The following ANKRD6 variants were observed in gnomAD, a reference collection of about 807,000 sequenced individuals.
ANKRD6 encodes ankyrin repeat domain 6.
Under a neutral mutation model 82.3 loss-of-function variants are expected in ANKRD6, and 56 were observed. The ratio of observed to expected loss-of-function variants is 0.68; its 90% CI spans 0.55 to 0.85. ANKRD6 has a LOEUF of 0.85. ANKRD6 is among the 40% of genes least tolerant of loss of function. The pLI is 0.00. For missense variants in ANKRD6, 852 were observed against 907.6 expected, an observed-to-expected ratio of 0.94 and a Z score of 0.79; for synonymous variants, 347 against 352.1, an observed-to-expected ratio of 0.99 and a Z score of 0.16.
At position 89,629,138 on chromosome 6, in the gene ANKRD6, C is replaced by A. The variant is rs768177067; in HGVS notation, c.1512C>A (p.Thr504=). Reference sequence around the variant, plus strand: ...TATCCTTGGTGGATGAATTAAAAACCTGGTGCATGTTAAAGATTCAGAATC... The same window carrying A: ...TATCCTTGGTGGATGAATTAAAAACATGGTGCATGTTAAAGATTCAGAATC... ...RQISLVDELK[T]WCMLKIQNLE... Residue 504 remains threonine (T), a synonymous_variant, in exon 15 of 16, where the codon ACC becomes ACA. Transcript: ENST00000339746. 6.2e-7 allele frequency: 1 copy of A among 1,613,302 alleles called. No homozygotes were observed.
chr6:89,593,173 C>A (rs184453722), intron 2 of ANKRD6, among the ~76,000 whole-genome samples: 6 of 152,352 alleles, frequency 3.9e-5, no homozygotes, highest in African/African-American at 1.4e-4. Flanking sequence ...CCCAGAAGCA[C>A]TTGTGTCCCA....
At chr6:89,627,479 C>G (rs946769109) in intron 13 of ANKRD6, 104 bp from the exon 14 acceptor site, 7 of 851,238 alleles carry the variant, frequency 8.2e-6, no homozygotes, top group Non-Finnish European at 1.3e-5. Flanking sequence ...AGTTTGCATG[C>G]AGGGGCTCCT....
At chr6:89,485,091 G>A (rs1777216877) in intron 1 of ANKRD6, among the ~76,000 whole-genome samples, 1 of 152,196 alleles carries the variant, frequency 6.6e-6, no homozygotes, top group African/African-American at 2.4e-5. Flanking sequence ...GCCCCAGACT[G>A]TCTCACCCAG....
intron 1 of ANKRD6, among the ~76,000 whole-genome samples, chr6:89,544,391 C>G (rs1298517198): frequency 6.6e-6 from 1 of 152,224 alleles, no homozygotes; most frequent in Non-Finnish European, 1.5e-5. Context: ...TCACCCTCCC[C>G]TTTCCGCCTG....
At chr6:89,468,894 C>T (rs1187986744) in intron 1 of ANKRD6, among the ~76,000 whole-genome samples, 2 of 152,140 alleles carry the variant, frequency 1.3e-5, no homozygotes, top group Non-Finnish European at 2.9e-5. Flanking sequence ...CCCCTTACCT[C>T]CTCACCTCTC....
intron 1 of ANKRD6, among the ~76,000 whole-genome samples, chr6:89,547,561 C>T (rs1235347664): frequency 3.9e-5 from 6 of 152,126 alleles, no homozygotes. Context: ...TGCTTGGCAG[C>T]GCACCAGCGG....
chr6:89,617,516 G>A lies in ANKRD6; in HGVS notation c.715-438G>A, dbSNP rs77205362. On this transcript the variant is annotated intron_variant, in intron 8 of 15. Transcript: ENST00000339746. ...GCCAGCCCTGATCTGCTCCTCCGGCGTCTTCCCACTGTTTTCCAGGGGAGA... is the reference window on the plus strand; with the variant it reads ...GCCAGCCCTGATCTGCTCCTCCGGCATCTTCCCACTGTTTTCCAGGGGAGA... 2.2e-3 allele frequency among the ~76,000 whole-genome samples: 342 copies of A among 152,262 alleles called. 1 individual carries two copies. The highest frequency in any genetic ancestry group is 7.7e-3 in the African/African-American group (318 of 41,542).
intron 1 of ANKRD6, among the ~76,000 whole-genome samples, chr6:89,514,753 A>G (rs1781009053): frequency 6.6e-6 from 1 of 152,186 alleles, no homozygotes; most frequent in African/African-American, 2.4e-5. Context: ...GGCATGGGAT[A>G]TATAGATGTT....
intron 2 of ANKRD6, among the ~76,000 whole-genome samples, chr6:89,574,307 A>AT (rs919896306): frequency 4.5e-5 from 6 of 133,534 alleles, no homozygotes; most frequent in African/African-American, 1.6e-4. Flanking sequence ...CTTTCCTTGG[A>AT]TTTTGACAAC....
chr6:89,573,143 C>A lies in ANKRD6; in HGVS notation c.120+6047C>A, dbSNP rs142320400. Among the ~76,000 whole-genome samples, 475 of 152,228 alleles carry A rather than the reference C, an allele frequency of 3.1e-3. 4 individuals carry two copies. Among genetic ancestry groups the A allele is most frequent in the African/African-American group, 0.011 (453 of 41,552 alleles). ...ATGCCTAGCTGATAATAATGAGCAA[C>A]TTCCTGGGCGATCCTACTGCCTCAG... On this transcript the variant is annotated intron_variant, in intron 2 of 15. Transcript: ENST00000339746.
intron 1 of ANKRD6, among the ~76,000 whole-genome samples, chr6:89,519,497 T>C (rs1330476445): frequency 6.6e-6 from 1 of 152,226 alleles, no homozygotes; most frequent in Non-Finnish European, 1.5e-5. Context: ...ACTTGCACAG[T>C]TGCAATAACG....
At chr6:89,531,207 G>T (rs182305349) in intron 1 of ANKRD6, among the ~76,000 whole-genome samples, 1 of 152,352 alleles carries the variant, frequency 6.6e-6, no homozygotes, top group East Asian at 1.9e-4. Context: ...CCAAAGTGCG[G>T]ATCTGTTCTT....
intron 1 of ANKRD6, among the ~76,000 whole-genome samples, chr6:89,488,503 T>C (rs1047442965): frequency 3.3e-4 from 50 of 152,314 alleles, no homozygotes; most frequent in African/African-American, 1.2e-3. Context: ...GGCATCCAGC[T>C]GATCTCAAAT....
chr6:89,439,880 A>G (rs1316318951), intron 1 of ANKRD6, among the ~76,000 whole-genome samples: 1 of 152,084 alleles, frequency 6.6e-6, no homozygotes, highest in African/African-American at 2.4e-5. Flanking sequence ...TATTTTTAGT[A>G]GAGACGGGGT....
intron 2 of ANKRD6, among the ~76,000 whole-genome samples, chr6:89,575,736 C>G (rs1790979787): frequency 6.6e-6 from 1 of 152,174 alleles, no homozygotes; most frequent in Non-Finnish European, 1.5e-5. Flanking sequence ...AATGAGGTCA[C>G]AGAAGGAAAG....
chr6:89,574,309 T>G (rs1790618941), intron 2 of ANKRD6, among the ~76,000 whole-genome samples: 1 of 133,442 alleles, frequency 7.5e-6, no homozygotes, highest in African/African-American at 2.7e-5. Context: ...TTCCTTGGAT[T>G]TTGACAACCA....
At chr6:89,501,925 T>G (rs1371524131) in intron 1 of ANKRD6, among the ~76,000 whole-genome samples, 1 of 152,214 alleles carries the variant, frequency 6.6e-6, no homozygotes, top group East Asian at 1.9e-4. Flanking sequence ...ACAGGATTTA[T>G]GTGTTCTTTT....
At chr6:89,538,276 G>A (rs186406999) in intron 1 of ANKRD6, among the ~76,000 whole-genome samples, 2 of 152,012 alleles carry the variant, frequency 1.3e-5, no homozygotes, top group South Asian at 4.2e-4. Flanking sequence ...CAGGTCTTTT[G>A]TCTTTTACAG....
chr6:89,537,070 C>T (rs1177206187), intron 1 of ANKRD6, among the ~76,000 whole-genome samples: 1 of 151,908 alleles, frequency 6.6e-6, no homozygotes, highest in Non-Finnish European at 1.5e-5. Flanking sequence ...GTGATTTGTG[C>T]TACTGTGTGT....
Sources: allele counts gnomAD v4.1 joint callset (sites outside exome capture counted in the v4.1 genomes callset), GRCh38; gene constraint gnomAD v4.1.1; transcripts MANE v1.5; gene names NCBI Gene and HGNC (gene_info 2026-07-23, HGNC 2026-07-21).